Variants in SLC15A5 observed in about 807,000 individuals in gnomAD.
SLC15A5 encodes the protein solute carrier family 15 member 5.
SLC15A5 carries 58 observed loss-of-function variants against 56.1 expected under a neutral mutation model. The ratio of observed to expected loss-of-function variants is 1.03; its 90% CI spans 0.84 to 1.29. The LOEUF (loss-of-function observed/expected upper bound fraction) is 1.29. Among genes scored for constraint, SLC15A5 ranks in the 50% most tolerant of loss-of-function variants. The pLI is 0.00. For missense variants in SLC15A5, 681 were observed against 672.1 expected, an observed-to-expected ratio of 1.01 and a Z score of -0.15; for synonymous variants, 264 against 250.5, an observed-to-expected ratio of 1.05 and a Z score of -0.51.
At chr12:16,259,311 T>C (rs994502888) in intron 2 of SLC15A5, among the ~76,000 whole-genome samples, 1 of 151,548 alleles carries the variant, frequency 6.6e-6, no homozygotes, top group African/African-American at 2.4e-5. Flanking sequence ...TTTCCTTTCC[T>C]TCATTCTTTC....
intron 2 of SLC15A5, among the ~76,000 whole-genome samples, chr12:16,259,255 A>C (rs911735474): frequency 3.3e-5 from 5 of 150,712 alleles, no homozygotes; most frequent in African/African-American, 1.2e-4. Context: ...CAGGCTGCAC[A>C]TCTGATTCCT....
At chr12:16,200,595 A>G (rs1042428323) in intron 7 of SLC15A5, among the ~76,000 whole-genome samples, 12 of 152,116 alleles carry the variant, frequency 7.9e-5, no homozygotes, top group Non-Finnish European at 1.6e-4. Flanking sequence ...TTTCAATAAC[A>G]TTAGAAATAA....
chr12:16,246,065 G>A (rs187447434), intron 3 of SLC15A5, among the ~76,000 whole-genome samples: 9 of 152,248 alleles, frequency 5.9e-5, no homozygotes, highest in Admixed American at 5.9e-4. Flanking sequence ...ATCAAATCCA[G>A]CCCAAATTGG....
At chr12:16,256,913 A>AATAG (rs55965104) in intron 3 of SLC15A5, among the ~76,000 whole-genome samples, 6,716 of 148,492 alleles carry the variant, frequency 0.045, 227 homozygotes, top group African/African-American at 0.088. Flanking sequence ...ATGCATGGGG[A>AATAG]ATAGATAGAT....
intron 6 of SLC15A5, 84 bp downstream of exon 6, chr12:16,224,330 C>T (rs899095212): frequency 6.9e-5 from 89 of 1,282,116 alleles, no homozygotes; most frequent in East Asian, 1.8e-4. Context: ...GATGACATAC[C>T]ACTTTAATTG....
At chr12:16,194,546 T>A in intron 7 of SLC15A5, 93 bp from the exon 8 acceptor site, 2 of 797,950 alleles carry the variant, frequency 2.5e-6, no homozygotes, top group Non-Finnish European at 3.8e-6. Flanking sequence ...CTTTGTTCGC[T>A]TCAGTAATAT....
chr12:16,269,626 C>T lies in SLC15A5; in HGVS notation c.584+2935G>A, dbSNP rs1173403260. Among the ~76,000 whole-genome samples, 2 of 152,122 alleles carry T rather than the reference C, an allele frequency of 1.3e-5. No individual in the cohort carries two copies. Among genetic ancestry groups the T allele is most frequent in the Non-Finnish European group, 2.9e-5 (2 of 68,024 alleles). ...TGTTAAAATCAGAATATTTCAGATA[C>T]CATGTAGAGTCAATTTGAGTACCAG... On this transcript the variant is annotated intron_variant, in intron 2 of 8. Coordinates refer to ENST00000344941, the MANE Select transcript of SLC15A5 (RefSeq NM_001170798.1). This position sits in a 1 kb window ranked among gnomAD's most constrained non-coding sequence, Gnocchi z 4.7.
At chr12:16,207,967 T>TG (rs887214605) in intron 7 of SLC15A5, among the ~76,000 whole-genome samples, 3 of 152,134 alleles carry the variant, frequency 2.0e-5, no homozygotes, top group African/African-American at 7.2e-5. Flanking sequence ...CCAGCGATCT[T>TG]AACACTTGTC....
chr12:16,191,630 G>A (rs1310413750), intron 8 of SLC15A5, among the ~76,000 whole-genome samples: 4 of 152,042 alleles, frequency 2.6e-5, no homozygotes, highest in Non-Finnish European at 5.9e-5. Context: ...GTTCATTAGT[G>A]TTTGACAAAA....
intron 5 of SLC15A5, 62 bp downstream of exon 5, chr12:16,239,619 A>G: frequency 6.8e-7 from 1 of 1,461,854 alleles, no homozygotes; most frequent in South Asian, 1.3e-5. Context: ...TTCGGATCTT[A>G]GCAGAATGTT....
At chr12:16,270,611 A>G (rs1864743001) in intron 2 of SLC15A5, among the ~76,000 whole-genome samples, 1 of 152,206 alleles carries the variant, frequency 6.6e-6, no homozygotes, top group Non-Finnish European at 1.5e-5. Flanking sequence ...GATACTTTAT[A>G]TATAAGTGAT....
intron 5 of SLC15A5, among the ~76,000 whole-genome samples, chr12:16,228,825 A>G (rs1032421470): frequency 2.5e-5 from 3 of 117,682 alleles, no homozygotes; most frequent in Non-Finnish European, 5.9e-5. Flanking sequence ...TACATATAAC[A>G]TAAAATGTAT....
At chr12:16,221,389 T>A (rs1253674470) in intron 6 of SLC15A5, among the ~76,000 whole-genome samples, 1 of 152,184 alleles carries the variant, frequency 6.6e-6, no homozygotes, top group East Asian at 1.9e-4. Context: ...AGAAGACCTT[T>A]GAGAAAGCTC....
chr12:16,226,463 A>G (rs1864242269), intron 5 of SLC15A5, among the ~76,000 whole-genome samples: 1 of 152,160 alleles, frequency 6.6e-6, no homozygotes, highest in Admixed American at 6.6e-5. Context: ...ATATGAGTCA[A>G]AAATTATTTG....
rs969214815 is a variant in SLC15A5 at position 16,257,942 on chromosome 12, C to T, written c.585-72G>A. 5 of 1,243,626 alleles carry T rather than the reference C, an allele frequency of 4.0e-6. No homozygotes were observed. In the African/African-American group the frequency reaches 7.8e-5, roughly 19 times the overall value. The allele number at this position is 1,243,626 out of a possible 1,614,324, so 77.0% of individuals were successfully genotyped here. On this transcript the variant is annotated intron_variant, in intron 2 of 8. Transcript: ENST00000344941. ...TAGATAACTATTGCTAATTTTAATG[C>T]TTCTAATCAAATGTAAACTACCAAA...
chr12:16,261,708 C>T (rs906068159), intron 2 of SLC15A5, among the ~76,000 whole-genome samples: 4 of 152,116 alleles, frequency 2.6e-5, no homozygotes, highest in Non-Finnish European at 5.9e-5. Flanking sequence ...TATGAGAGTT[C>T]TAATCTCTTC....
chr12:16,275,569 C>A (rs767996203), intron 1 of SLC15A5, among the ~76,000 whole-genome samples: 2 of 151,966 alleles, frequency 1.3e-5, no homozygotes, highest in Admixed American at 6.6e-5. Flanking sequence ...TGCATTTTTT[C>A]AGCTAGGGTA....
Position 16,243,387 on chromosome 12 carries a change from T to C in SLC15A5, c.975+1193A>G, listed in dbSNP as rs1364441197. On this transcript the variant is annotated intron_variant, in intron 4 of 8. Coordinates refer to ENST00000344941, the MANE Select transcript of SLC15A5 (RefSeq NM_001170798.1). This position sits in a 1 kb window ranked among gnomAD's most constrained non-coding sequence, Gnocchi z 4.4. Reference sequence around the variant, plus strand: ...ACCACACCTGACTAATTTTGTATTTTTAGTAGAGACGGGGTTTCTCCATTT... The same window carrying C: ...ACCACACCTGACTAATTTTGTATTTCTAGTAGAGACGGGGTTTCTCCATTT... Among the ~76,000 whole-genome samples the C allele has an allele frequency of 6.6e-6, 1 of 152,026 alleles. No homozygotes were observed. The highest frequency in any genetic ancestry group is 2.4e-5 in the African/African-American group (1 of 41,400).
chr12:16,204,604 T>C (rs992828009), intron 7 of SLC15A5, among the ~76,000 whole-genome samples: 4 of 151,302 alleles, frequency 2.6e-5, no homozygotes, highest in Non-Finnish European at 5.9e-5. Context: ...AAAAGGAGAG[T>C]GATACTAAGC....
Sources: allele counts gnomAD v4.1 joint callset (sites outside exome capture counted in the v4.1 genomes callset), GRCh38; gene constraint gnomAD v4.1.1; non-coding constraint Gnocchi (gnomAD v3.1); transcripts MANE v1.5; gene names NCBI Gene and HGNC (gene_info 2026-07-23, HGNC 2026-07-21).